LGR5: variants seen among roughly 807,000 people sequenced by gnomAD.
LGR5 encodes leucine-rich repeat-containing G protein-coupled receptor 5.
A neutral mutation model predicts 76.7 loss-of-function variants in LGR5; 54 were observed. That is an observed-to-expected ratio of 0.70 (90% CI 0.57 to 0.88). LGR5 has a LOEUF of 0.88. Among genes scored for constraint, LGR5 ranks in the 40% least tolerant of loss-of-function variants. The pLI is 0.00. For missense variants in LGR5, 1,078 were observed against 1,073.3 expected (o/e 1.00, Z -0.06); for synonymous variants, 406 against 421.9 (o/e 0.96, Z 0.46).
rs549668137 is a variant in LGR5, at chr12:71,444,230, A to G, written c.212+3938A>G. Reference sequence around the variant, plus strand: ...AACTCTTATAACAGCCTTAACATTTAGATCAATTACAAACATTATACAGTT... The same window carrying G: ...AACTCTTATAACAGCCTTAACATTTGGATCAATTACAAACATTATACAGTT... On this transcript the variant is annotated intron_variant, in intron 1 of 17. Coordinates refer to ENST00000266674, the MANE Select transcript of LGR5 (RefSeq NM_003667.4). Among the ~76,000 whole-genome samples the G allele has an allele frequency of 1.4e-4, 21 of 152,256 alleles. No homozygotes were observed. The South Asian group carries it at 3.9e-3, about 29-fold the overall frequency.
chr12:71,519,638 AAAAAAAC>A (rs71437183), intron 2 of LGR5, among the ~76,000 whole-genome samples: 13,768 of 151,120 alleles, frequency 0.091, 672 homozygotes, highest in Non-Finnish European at 0.11. Flanking sequence ...GTCTCTACCA[AAAAAAAC>A]AAAAAACAAA....
intron 3 of LGR5, among the ~76,000 whole-genome samples, chr12:71,532,491 T>A (rs2137361140): frequency 6.6e-6 from 1 of 152,346 alleles, no homozygotes; most frequent in East Asian, 1.9e-4. Context: ...GTAGAACTAT[T>A]GTAATACAAA....
In LGR5 at chr12:71,566,839, A is replaced by C; in HGVS notation, c.999-2A>C. Reference sequence around the variant, plus strand: ...AATTATGTCTGGTTTGTGTTTTAACAGGACTTTAACTGGAGCACAGATCTC... The same window carrying C: ...AATTATGTCTGGTTTGTGTTTTAACCGGACTTTAACTGGAGCACAGATCTC... On this transcript the variant is annotated splice_acceptor_variant, in intron 10 of 17. Coordinates refer to ENST00000266674, the MANE Select transcript of LGR5 (RefSeq NM_003667.4). LOFTEE classifies it high-confidence loss of function. The C allele has an allele frequency of 6.2e-7, 1 of 1,613,130 alleles. No homozygotes were observed. Among genetic ancestry groups the C allele is most frequent in the Non-Finnish European group, 8.5e-7 (1 of 1,179,092 alleles).
chr12:71,561,469 T>C (rs1005130642), intron 7 of LGR5, among the ~76,000 whole-genome samples: 1 of 152,228 alleles, frequency 6.6e-6, no homozygotes, highest in African/African-American at 2.4e-5. Context: ...TTCCACTCTC[T>C]CAGGCTTTTA....
intron 17 of LGR5, 135 bp from the exon 18 acceptor site, chr12:71,583,512 C>A: frequency 1.0e-6 from 1 of 984,066 alleles, no homozygotes; most frequent in Non-Finnish European, 1.5e-6. Context: ...GGAGCATGCA[C>A]ATGGGCACTG....
intron 2 of LGR5, 43 bp downstream of exon 2, chr12:71,504,728 C>A (rs1874776799): frequency 1.4e-6 from 2 of 1,429,572 alleles, no homozygotes; most frequent in Non-Finnish European, 2.0e-6. Flanking sequence ...CAACACTGGG[C>A]ACATTCTTGT....
intron 1 of LGR5, among the ~76,000 whole-genome samples, chr12:71,467,252 A>G (rs1872903819): frequency 6.6e-6 from 1 of 152,180 alleles, no homozygotes; most frequent in Non-Finnish European, 1.5e-5. Context: ...AATTTCAGCT[A>G]TGATGGCCAT....
chr12:71,466,641 A>G (rs1398528551), intron 1 of LGR5, among the ~76,000 whole-genome samples: 1 of 150,458 alleles, frequency 6.6e-6, no homozygotes, highest in African/African-American at 2.4e-5. Context: ...ATCCTATAAT[A>G]CATGTGATAA....
intron 1 of LGR5, among the ~76,000 whole-genome samples, chr12:71,454,940 A>G (rs920352965): frequency 1.3e-5 from 2 of 152,300 alleles, no homozygotes; most frequent in Admixed American, 1.3e-4. Context: ...GAACTGGGAA[A>G]TGATTATCAC....
At chr12:71,448,399 T>C (rs985419561) in intron 1 of LGR5, 3 of 152,216 alleles carry the variant, frequency 2.0e-5, no homozygotes, top group Admixed American at 6.5e-5. Context: ...TTTTTAACCT[T>C]AGTACATAAC....
chr12:71,533,821 T>G (rs7303124), intron 3 of LGR5, among the ~76,000 whole-genome samples: 87,998 of 151,994 alleles, frequency 0.58, 25,937 homozygotes, highest in East Asian at 0.9. Context: ...TTTTCCAATC[T>G]CTAGTGGCAG....
At chr12:71,519,384 T>C (rs547485749) in intron 2 of LGR5, among the ~76,000 whole-genome samples, 9 of 152,324 alleles carry the variant, frequency 5.9e-5, no homozygotes, top group African/African-American at 2.2e-4. Context: ...AGAGCATTTT[T>C]CATGTTATAT....
At chr12:71,461,233 A>T (rs1383749464) in intron 1 of LGR5, among the ~76,000 whole-genome samples, 1 of 152,104 alleles carries the variant, frequency 6.6e-6, no homozygotes, top group African/African-American at 2.4e-5. Flanking sequence ...TGCATCTATG[A>T]TCTGTCATTC....
intron 15 of LGR5, 55 bp from the exon 16 acceptor site, chr12:71,580,223 T>A: frequency 6.7e-7 from 1 of 1,489,212 alleles, no homozygotes; most frequent in Non-Finnish European, 9.1e-7. Flanking sequence ...ATGAACACTA[T>A]ATTTAATTAT....
At chr12:71,442,389 A>C (rs955197194) in intron 1 of LGR5, among the ~76,000 whole-genome samples, 4 of 152,196 alleles carry the variant, frequency 2.6e-5, no homozygotes, top group African/African-American at 9.7e-5. Context: ...CTTGAAGTTA[A>C]GATACTATTA....
intron 1 of LGR5, among the ~76,000 whole-genome samples, chr12:71,447,837 A>G (rs1872073523): frequency 1.3e-5 from 2 of 152,226 alleles, no homozygotes; most frequent in Non-Finnish European, 2.9e-5. Flanking sequence ...AGAAACTGAA[A>G]TGCAGAAGAC....
At chr12:71,497,490 A>G (rs1321731103) in intron 1 of LGR5, among the ~76,000 whole-genome samples, 4 of 152,160 alleles carry the variant, frequency 2.6e-5, no homozygotes, top group African/African-American at 9.7e-5. Flanking sequence ...ATTCTTAAGG[A>G]TACAGTGTTT....
intron 4 of LGR5, among the ~76,000 whole-genome samples, chr12:71,549,412 T>C (rs904646258): frequency 6.6e-6 from 1 of 152,194 alleles, no homozygotes; most frequent in South Asian, 2.1e-4. Context: ...TAATATATTG[T>C]ATACTTGAAA....
intron 15 of LGR5, among the ~76,000 whole-genome samples, chr12:71,579,330 C>T (rs11178865): frequency 0.035 from 5,395 of 152,162 alleles, 206 homozygotes; most frequent in African/African-American, 0.1. Flanking sequence ...GGAAGTAATG[C>T]TGCTTAAAAT....
Sources: gnomAD v4.1 joint callset for allele counts (sites outside exome capture counted in the v4.1 genomes callset) on GRCh38, gnomAD v4.1.1 for gene constraint, MANE v1.5 for transcripts, NCBI Gene and HGNC (gene_info 2026-07-23, HGNC 2026-07-21) for gene names.